ARHGAP42: variants seen among roughly 807,000 people sequenced by gnomAD.
ARHGAP42 encodes rho GTPase-activating protein 42.
ARHGAP42 carries 63 observed loss-of-function variants against 125.0 expected under a neutral mutation model. The observed-to-expected ratio is 0.50, with a 90% confidence interval of 0.41 to 0.62. The LOEUF is 0.62. Ranked by LOEUF, ARHGAP42 falls within the 20% of genes least tolerant of loss-of-function variation. The probability of loss-of-function intolerance (pLI) is 0.00; values close to 1 mark genes in which losing one functional copy is unlikely to be tolerated. For synonymous variants in ARHGAP42, 339 were observed against 351.0 expected, an observed-to-expected ratio of 0.97 and a Z score of 0.38; for missense variants, 766 against 1,024.2, an observed-to-expected ratio of 0.75 and a Z score of 3.44.
At chr11:100,985,780 T>A (rs112203867) in intron 22 of ARHGAP42, among the ~76,000 whole-genome samples, 2,007 of 152,302 alleles carry the variant, frequency 0.013, 11 homozygotes, top group Non-Finnish European at 0.022. Flanking sequence ...AGAATTTTCC[T>A]CTCTACACCT....
chr11:100,984,811 A>T (rs1858632474), intron 22 of ARHGAP42, among the ~76,000 whole-genome samples: 1 of 152,122 alleles, frequency 6.6e-6, no homozygotes, highest in African/African-American at 2.4e-5. Context: ...GAGATACAAT[A>T]GGTGACAGTG....
intron 17 of ARHGAP42, among the ~76,000 whole-genome samples, chr11:100,970,106 A>T (rs751620672): frequency 1.3e-5 from 2 of 151,934 alleles, no homozygotes; most frequent in Non-Finnish European, 2.9e-5. Context: ...CTCCTGCCTC[A>T]GCCTCCCAGG....
At chr11:100,735,380 A>G (rs867791536) in intron 1 of ARHGAP42, among the ~76,000 whole-genome samples, 3 of 152,128 alleles carry the variant, frequency 2.0e-5, no homozygotes, top group Non-Finnish European at 2.9e-5. Flanking sequence ...AGGAAATGCC[A>G]AAAGTGACTC....
intron 3 of ARHGAP42, among the ~76,000 whole-genome samples, chr11:100,800,520 G>A (rs1269208512): frequency 2.0e-5 from 3 of 152,140 alleles, no homozygotes; most frequent in African/African-American, 7.2e-5. Flanking sequence ...CCAATATGAT[G>A]ACAGAGTCAA....
chr11:100,750,519 G>C (rs1862422396), intron 1 of ARHGAP42, among the ~76,000 whole-genome samples: 1 of 144,670 alleles, frequency 6.9e-6, no homozygotes. Flanking sequence ...CCTGGACAAG[G>C]GAGGGGAAGG....
intron 3 of ARHGAP42, among the ~76,000 whole-genome samples, chr11:100,805,423 T>G (rs1323593847): frequency 6.6e-6 from 1 of 152,228 alleles, no homozygotes; most frequent in Non-Finnish European, 1.5e-5. Flanking sequence ...TCATAAGTTT[T>G]GAAATTATCT....
At chr11:100,905,820 TA>T (rs11326094) in intron 4 of ARHGAP42, among the ~76,000 whole-genome samples, 138,345 of 152,150 alleles carry the variant, frequency 0.91, 63,065 homozygotes, top group East Asian at 1. Context: ...CTACTAAAGA[TA>T]ACCAAAATTA....
At chr11:100,838,857 G>T (rs1323046567) in intron 3 of ARHGAP42, among the ~76,000 whole-genome samples, 1 of 152,106 alleles carries the variant, frequency 6.6e-6, no homozygotes, top group Non-Finnish European at 1.5e-5. Flanking sequence ...TTAGTTGATA[G>T]CCTAGCTTAA....
rs1323845419 is a variant in ARHGAP42, at chr11:100,987,973, C to T, written c.2536+381C>T. ...TGAAACCCTGTCTCTACTAAAAATA[C>T]AAAAATTACCCGGGCATGGTGGTGT... On this transcript the variant is annotated intron_variant, in intron 23 of 23. Transcript: ENST00000298815. 3.3e-5 allele frequency among the ~76,000 whole-genome samples: 5 copies of T among 152,104 alleles called. No homozygotes were observed. In the East Asian group the frequency reaches 9.7e-4, roughly 29 times the overall value.
chr11:100,969,608 G>C (rs762563101), intron 17 of ARHGAP42, among the ~76,000 whole-genome samples: 7 of 151,476 alleles, frequency 4.6e-5, no homozygotes, highest in Non-Finnish European at 7.4e-5. Flanking sequence ...TTCAGCTATT[G>C]TGCTTTTCAA....
At chr11:100,814,194 T>TA (rs1394826206) in intron 3 of ARHGAP42, among the ~76,000 whole-genome samples, 56 of 144,382 alleles carry the variant, frequency 3.9e-4, no homozygotes, top group Middle Eastern at 7.2e-3. Flanking sequence ...CTCCGTCTCT[T>TA]AAAAAAAAAA....
At chr11:100,918,897 C>A (rs1039373348) in intron 5 of ARHGAP42, among the ~76,000 whole-genome samples, 10 of 152,124 alleles carry the variant, frequency 6.6e-5, no homozygotes, top group African/African-American at 2.4e-4. Context: ...CTGTGCATGG[C>A]AAATACATTT....
Position 100,974,468 on chromosome 11 carries a change from A to G in ARHGAP42, c.1720A>G (p.Thr574Ala), listed in dbSNP as rs1382532914. 4 of 1,547,930 alleles carry G rather than the reference A, an allele frequency of 2.6e-6. No individual in the cohort carries two copies. Among genetic ancestry groups the G allele is most frequent in the Non-Finnish European group, 3.5e-6 (4 of 1,146,016 alleles). ...LIEHYEKIFH[T>A]APDPSIPLPQ... ...TTTTTCTTATACGTAGATTTTTCAT[A>G]CTGCTCCAGACCCAAGCATTCCTCT... Residue 574 changes from threonine to alanine, a missense_variant, in exon 19 of 24, where the codon ACT becomes GCT. By Grantham distance (58) the Thr-to-Ala change is moderately conservative (BLOSUM62 0). Transcript: ENST00000298815.
At chr11:100,926,558 C>T (rs762798569) in intron 6 of ARHGAP42, among the ~76,000 whole-genome samples, 3 of 152,136 alleles carry the variant, frequency 2.0e-5, no homozygotes, top group Non-Finnish European at 4.4e-5. Context: ...AATAGCTTAA[C>T]GAGTTGGAAT....
At chr11:100,850,508 G>C (rs1055262852) in intron 3 of ARHGAP42, among the ~76,000 whole-genome samples, 1 of 152,126 alleles carries the variant, frequency 6.6e-6, no homozygotes, top group Non-Finnish European at 1.5e-5. Context: ...ATGCAGTCTT[G>C]TTGACCATAT....
chr11:100,717,433 T>G lies in ARHGAP42; in HGVS notation c.154+29601T>G, dbSNP rs568569834. Among the ~76,000 whole-genome samples, 3 of 151,986 alleles carry G rather than the reference T, an allele frequency of 2.0e-5. No individual in the cohort carries two copies. The South Asian group carries it at 6.2e-4, about 32-fold the overall frequency. On this transcript the variant is annotated intron_variant, in intron 1 of 23. Transcript: ENST00000298815. The stretch of plus-strand genomic sequence containing the variant: ...CGGGCGGATCACAAGGTCAGGAGAT[T>G]AAGATCATCCTGGCTAACACAGTGA...
chr11:100,851,262 T>C (rs879691695), intron 3 of ARHGAP42, among the ~76,000 whole-genome samples: 8 of 152,148 alleles, frequency 5.3e-5, no homozygotes, highest in Non-Finnish European at 8.8e-5. Context: ...GATCACAAAA[T>C]GTTAGCTATA....
At chr11:100,921,662 A>T (rs1867273521) in intron 6 of ARHGAP42, 58 bp downstream of exon 6, 1 of 1,057,766 alleles carries the variant, frequency 9.5e-7, no homozygotes, top group Non-Finnish European at 1.4e-6. Context: ...GAAAAAAAGT[A>T]CACTGTTTTT....
chr11:100,758,903 T>A (rs891459343), intron 1 of ARHGAP42, among the ~76,000 whole-genome samples: 2 of 152,204 alleles, frequency 1.3e-5, no homozygotes, highest in Non-Finnish European at 2.9e-5. Flanking sequence ...AATATTTTTT[T>A]AATTAGATCT....
Sources: gnomAD v4.1 joint callset for allele counts (sites outside exome capture counted in the v4.1 genomes callset) on GRCh38, gnomAD v4.1.1 for gene constraint, MANE v1.5 for transcripts, NCBI Gene and HGNC (gene_info 2026-07-23, HGNC 2026-07-21) for gene names.